OGG1: variants seen among roughly 807,000 people sequenced by gnomAD.
OGG1 encodes the protein N-glycosylase/DNA lyase.
A neutral mutation model predicts 42.3 loss-of-function variants in OGG1; 35 were observed. The ratio of observed to expected loss-of-function variants is 0.83; its 90% CI spans 0.63 to 1.10. The LOEUF is 1.10. Among genes scored for constraint, OGG1 ranks in the 50% least tolerant of loss-of-function variants. OGG1 has a pLI of 0.00. For missense variants in OGG1, 484 were observed against 446.7 expected, an observed-to-expected ratio of 1.08 and a Z score of -0.75; for synonymous variants, 189 against 179.0, an observed-to-expected ratio of 1.06 and a Z score of -0.44.
intron 7 of OGG1, among the ~76,000 whole-genome samples, chr3:9,764,628 G>GTTTTTTTTTTT (rs55972033): frequency 2.6e-4 from 24 of 92,308 alleles, no homozygotes; most frequent in Non-Finnish European, 2.9e-4. Context: ...TTTTTTTTTT[G>GTTTTTTTTTTT]TTTTTTTTTT....
intron 2 of OGG1, among the ~76,000 whole-genome samples, chr3:9,778,643 A>G (rs1022183163): frequency 1.3e-5 from 2 of 152,188 alleles, no homozygotes; most frequent in Non-Finnish European, 2.9e-5. Context: ...TTTATAGTCT[A>G]TGGCTTATGG....
intron 3 of OGG1, chr3:9,784,017 C>T: frequency 6.2e-7 from 1 of 1,611,796 alleles, no homozygotes. Flanking sequence ...GTGCATCCTG[C>T]TAACGCTCAC....
At chr3:9,763,100 G>A (rs757749887) in intron 7 of OGG1, 1 of 1,614,154 alleles carries the variant, frequency 6.2e-7, no homozygotes, top group Non-Finnish European at 8.5e-7. Flanking sequence ...GGGACAGCTG[G>A]GAGAGGTGTG....
At chr3:9,768,273 A>G (rs2078210255), downstream of OGG1, among the ~76,000 whole-genome samples, 2 of 152,198 alleles carry the variant, frequency 1.3e-5, no homozygotes, top group South Asian at 2.1e-4. Context: ...GCTTCCAGCA[A>G]CATCTCAGCC....
In OGG1 at chr3:9,771,758, C is replaced by T. The variant is rs147900315; in HGVS notation, c.295-9755C>T. 1.9e-3 allele frequency among the ~76,000 whole-genome samples: 291 copies of T among 150,538 alleles called. 1 individual carries two copies. Among genetic ancestry groups the T allele is most frequent in the Non-Finnish European group, 3.5e-3 (238 of 67,482 alleles). On this transcript the variant is annotated intron_variant, in intron 2 of 3. Transcript: ENST00000426518. Reference sequence around the variant, plus strand: ...AAATTCCTGTTCATCTTGATGACAACACCCCCTGGGTGATAAGATGACCTC... The same window carrying T: ...AAATTCCTGTTCATCTTGATGACAATACCCCCTGGGTGATAAGATGACCTC...
intron 1 of OGG1, chr3:9,750,707 T>C: frequency 1.4e-6 from 1 of 689,718 alleles, no homozygotes; most frequent in African/African-American, 1.8e-5. Context: ...AGAGGCCCAT[T>C]CCAGCCTCGA....
intron 3 of OGG1, chr3:9,784,053 G>C: frequency 6.2e-7 from 1 of 1,614,084 alleles, no homozygotes; most frequent in Non-Finnish European, 8.5e-7. Context: ...TTCTTGGTGC[G>C]GTTGTGGGCA....
intron 2 of OGG1, among the ~76,000 whole-genome samples, 183 bp from the exon 3 acceptor site, chr3:9,751,587 A>AACTC (rs2077303162): frequency 6.6e-6 from 1 of 152,184 alleles, no homozygotes; most frequent in Non-Finnish European, 1.5e-5. Flanking sequence ...ATGGGATGGT[A>AACTC]ACTCAGCCCT....
In OGG1 at chr3:9,754,867, G is replaced by A. The variant is rs767303295; in HGVS notation, c.729G>A (p.Leu243=). 3.1e-6 allele frequency: 5 copies of A among 1,599,904 alleles called. No homozygotes were observed. The highest frequency in any genetic ancestry group is 2.7e-5 in the African/African-American group (2 of 74,740). Residue 243 remains leucine (L), a synonymous_variant, in exon 4 of 7, where the codon CTG becomes CTA. Transcript: ENST00000344629. ...YEEAHKALCI[L]PGVGTKVADC... is the part of the protein sequence containing the mutation. ...AGGCCCACAAGGCCCTCTGCATCCTGCCTGGAGTGGGCACCAAGGTGAGGC... is the reference window on the plus strand; with the variant it reads ...AGGCCCACAAGGCCCTCTGCATCCTACCTGGAGTGGGCACCAAGGTGAGGC...
At position 9,757,144 on chromosome 3, in the gene OGG1, A is replaced by C. The variant is rs1286783142; in HGVS notation, c.1032A>C (p.Glu344Asp). ...AKRRKGSKGP[E>D]G Reference sequence around the variant, plus strand: ...GCAGAAAGGGTTCCAAAGGGCCGGAAGGCTAGATGGGGCACCCTGGACAAA... The same window carrying C: ...GCAGAAAGGGTTCCAAAGGGCCGGACGGCTAGATGGGGCACCCTGGACAAA... The change falls in exon 7 of 7, where the codon GAA becomes GAC. Residue 344 changes from glutamate (E) to aspartate (D), a missense_variant. Transcript: ENST00000344629. This position sits in a 1 kb window ranked among gnomAD's most constrained non-coding sequence, Gnocchi z 4.5. 1 of 1,614,120 alleles carries C rather than the reference A, an allele frequency of 6.2e-7. No homozygotes were observed. Among genetic ancestry groups the C allele is most frequent in the South Asian group, 1.1e-5 (1 of 91,080 alleles).
chr3:9,774,586 A>G (rs2078341892), intron 2 of OGG1, among the ~76,000 whole-genome samples: 1 of 152,350 alleles, frequency 6.6e-6, no homozygotes, highest in South Asian at 2.1e-4. Context: ...AACAGCACAC[A>G]GGATTGATAA....
chr3:9,770,471 T>C (rs1303491643), downstream of OGG1, among the ~76,000 whole-genome samples: 1 of 152,020 alleles, frequency 6.6e-6, no homozygotes, highest in Non-Finnish European at 1.5e-5. Context: ...TGGGCCCCAC[T>C]TGACAGGTGG....
chr3:9,788,665 G>A (rs748003876), downstream of OGG1, among the ~76,000 whole-genome samples: 16 of 151,636 alleles, frequency 1.1e-4, no homozygotes, highest in Non-Finnish European at 1.5e-4. Flanking sequence ...TCAGCCTCCC[G>A]AGTAGCCAGG....
chr3:9,766,586 A>T, exon 8 of OGG1: 1 of 958,400 alleles, frequency 1.0e-6, no homozygotes. Flanking sequence ...ATGCTCATTG[A>T]ACTTTAAGAA....
At chr3:9,761,957 G>T, downstream of OGG1, 2 of 674,438 alleles carry the variant, frequency 3.0e-6, no homozygotes, top group Non-Finnish European at 4.8e-6. Context: ...GGTGTGGGGG[G>T]GAACTGTCTC....
downstream of OGG1, chr3:9,757,554 C>T: frequency 6.2e-7 from 1 of 1,613,668 alleles, no homozygotes; most frequent in Non-Finnish European, 8.5e-7. This position sits in a 1 kb window ranked among gnomAD's most constrained non-coding sequence, Gnocchi z 4.5. Context: ...GCTGGTGGGG[C>T]AGTGTGGGGG....
chr3:9,776,388 CTTTTT>C (rs57504240), intron 2 of OGG1, among the ~76,000 whole-genome samples: 1 of 121,120 alleles, frequency 8.3e-6, no homozygotes, highest in Non-Finnish European at 1.7e-5. Flanking sequence ...TTTTTCTTTT[CTTTTT>C]TTTTTTTTTT....
At chr3:9,786,406 G>T (rs556205266) in intron 3 of OGG1, among the ~76,000 whole-genome samples, 1 of 152,174 alleles carries the variant, frequency 6.6e-6, no homozygotes, top group Non-Finnish European at 1.5e-5. Context: ...TGTTCCATGA[G>T]ATAAACTCTT....
chr3:9,756,027 T>C (rs1386347714), intron 4 of OGG1, among the ~76,000 whole-genome samples: 2 of 152,098 alleles, frequency 1.3e-5, no homozygotes, highest in African/African-American at 4.8e-5. Context: ...AATTTCAGTG[T>C]ATTCATAGGC....
Sources: allele counts gnomAD v4.1 joint callset (sites outside exome capture counted in the v4.1 genomes callset), GRCh38; gene constraint gnomAD v4.1.1; non-coding constraint Gnocchi (gnomAD v3.1); transcripts MANE v1.5; gene names NCBI Gene and HGNC (gene_info 2026-07-23, HGNC 2026-07-21).